Variants in COG3 observed in about 807,000 individuals in gnomAD.
COG3 encodes component of oligomeric golgi complex 3.
In COG3, 32 loss-of-function variants were observed where a neutral mutation model predicts 114.1. The observed-to-expected ratio is 0.28, with a 90% CI of 0.21 to 0.38. COG3 has a LOEUF of 0.38. Ranked by LOEUF, COG3 falls within the 10% of genes least tolerant of loss-of-function variation. The probability of loss-of-function intolerance (pLI) is 1.00; values close to 1 mark genes in which losing one functional copy is unlikely to be tolerated. For synonymous variants in COG3, 352 were observed against 365.7 expected, an observed-to-expected ratio of 0.96 and a Z score of 0.43; for missense variants, 813 against 973.2, an observed-to-expected ratio of 0.84 and a Z score of 2.19.
At chr13:45,512,104 G>A (rs1593732501) in intron 16 of COG3, 4 of 356,454 alleles carry the variant, frequency 1.1e-5, no homozygotes, top group Non-Finnish European at 2.0e-5. Flanking sequence ...TAGAGTAAAG[G>A]TTTCTTGTTG....
chr13:45,500,798 C>A lies in COG3; in HGVS notation c.1489-2446C>A, dbSNP rs1344345605. On this transcript the variant is annotated intron_variant, in intron 13 of 22. Coordinates refer to ENST00000349995, the MANE Select transcript of COG3 (RefSeq NM_031431.4). ...GGATCCCATTTACAACACCACGTTG[C>A]ACTTAGTTTTTATGTCTTTTTAGGC... Among the ~76,000 whole-genome samples, 3 of 152,154 alleles carry A rather than the reference C, an allele frequency of 2.0e-5. No homozygotes were observed. In the East Asian group the frequency reaches 5.8e-4, roughly 29 times the overall value.
intron 13 of COG3, among the ~76,000 whole-genome samples, chr13:45,499,692 C>G (rs1235086990): frequency 6.6e-6 from 1 of 152,056 alleles, no homozygotes; most frequent in African/African-American, 2.4e-5. Context: ...TTTATTTAAC[C>G]CTTGAAATAT....
At chr13:45,487,907 C>G (rs1296790493) in intron 8 of COG3, among the ~76,000 whole-genome samples, 1 of 152,140 alleles carries the variant, frequency 6.6e-6, no homozygotes, top group Non-Finnish European at 1.5e-5. Context: ...GCAAGGAAAT[C>G]AGTATATCAA....
Position 45,507,531 on chromosome 13 carries a change from G to A in COG3, c.1595-2161G>A, listed in dbSNP as rs559937172. 1.1e-4 allele frequency among the ~76,000 whole-genome samples: 17 copies of A among 152,206 alleles called. No homozygotes were observed. In the South Asian group the frequency reaches 3.3e-3, roughly 30 times the overall value. On this transcript the variant is annotated intron_variant, in intron 14 of 22. Transcript: ENST00000349995. ...TGTAATTCCAGCACTTTGGGAGGCC[G>A]AGGTGGGCAGATCACCCACGGTCAG...
intron 1 of COG3, among the ~76,000 whole-genome samples, chr13:45,473,254 G>A (rs1396321825): frequency 1.3e-5 from 2 of 152,128 alleles, no homozygotes; most frequent in Non-Finnish European, 2.9e-5. Flanking sequence ...TCTTCCTGGA[G>A]GTGCCTGTCG....
intron 2 of COG3, 89 bp from the exon 3 acceptor site, chr13:45,478,916 C>T: frequency 2.3e-6 from 2 of 868,282 alleles, no homozygotes; most frequent in Admixed American, 4.2e-5. Flanking sequence ...TGGATAACGT[C>T]TGTCCTTTTG....
intron 1 of COG3, among the ~76,000 whole-genome samples, chr13:45,472,695 A>G (rs958266755): frequency 3.9e-5 from 6 of 151,996 alleles, no homozygotes; most frequent in Non-Finnish European, 7.4e-5. Flanking sequence ...TTTCCATTTG[A>G]CACAGTTTTC....
intron 20 of COG3, among the ~76,000 whole-genome samples, chr13:45,528,875 ATT>A (rs1178623064): frequency 3.3e-5 from 5 of 152,264 alleles, no homozygotes; most frequent in Admixed American, 6.5e-5. Context: ...ATATCTTGGT[ATT>A]TTTTTAGTAT....
chr13:45,532,867 G>A (rs552617617), intron 22 of COG3, among the ~76,000 whole-genome samples: 3 of 152,030 alleles, frequency 2.0e-5, no homozygotes, highest in Non-Finnish European at 2.9e-5. Flanking sequence ...ACATTTTTCC[G>A]TAGGGTAACT....
rs141180368 is a variant in COG3, at chr13:45,499,851, A to G, written c.1489-3393A>G. Among the ~76,000 whole-genome samples the G allele has an allele frequency of 5.5e-3, 831 of 152,140 alleles. 7 individuals are homozygous for G. The highest frequency in any genetic ancestry group is 0.019 in the African/African-American group (790 of 41,512). On this transcript the variant is annotated intron_variant, in intron 13 of 22. Transcript: ENST00000349995. Reference sequence around the variant, plus strand: ...AGCCTGCACAACACAGTGAAACCCCATCTCTACAAAAAATACAAAAATGAG... The same window carrying G: ...AGCCTGCACAACACAGTGAAACCCCGTCTCTACAAAAAATACAAAAATGAG...
intron 8 of COG3, among the ~76,000 whole-genome samples, chr13:45,489,952 T>A (rs550802363): frequency 2.2e-4 from 34 of 152,318 alleles, no homozygotes; most frequent in African/African-American, 7.7e-4. Flanking sequence ...TTGTGGTACT[T>A]AATATATTAA....
chr13:45,476,145 T>TA, intron 1 of COG3, 56 bp from the exon 2 acceptor site: 1 of 1,556,044 alleles, frequency 6.4e-7, no homozygotes, highest in Admixed American at 1.7e-5. Flanking sequence ...AATCTTGAGT[T>TA]AAGTTCAGAG....
At chr13:45,517,633 T>G (rs1462064857) in intron 17 of COG3, among the ~76,000 whole-genome samples, 2 of 152,230 alleles carry the variant, frequency 1.3e-5, no homozygotes, top group African/African-American at 4.8e-5. Context: ...TAAAGCTTAT[T>G]CTCATCAGAG....
intron 17 of COG3, among the ~76,000 whole-genome samples, chr13:45,516,836 G>GA (rs1411337265): frequency 6.6e-6 from 1 of 152,110 alleles, no homozygotes; most frequent in African/African-American, 2.4e-5. Flanking sequence ...CATTAAGACC[G>GA]AAAAGGAATG....
chr13:45,517,394 C>G (rs1340023388), intron 17 of COG3, among the ~76,000 whole-genome samples: 1 of 152,158 alleles, frequency 6.6e-6, no homozygotes, highest in Non-Finnish European at 1.5e-5. Flanking sequence ...CTTCTTAAAA[C>G]AGTTTGCTCT....
intron 1 of COG3, chr13:45,465,490 C>T: frequency 2.3e-6 from 1 of 441,190 alleles, no homozygotes; most frequent in Non-Finnish European, 4.0e-6. Flanking sequence ...GGACGGTTGG[C>T]CCGGAGCCTT....
At chr13:45,466,109 C>T (rs2137761784) in intron 1 of COG3, among the ~76,000 whole-genome samples, 1 of 152,264 alleles carries the variant, frequency 6.6e-6, no homozygotes, top group East Asian at 1.9e-4. Flanking sequence ...GTGACCTCGG[C>T]TCACTGCAAC....
Position 45,534,859 on chromosome 13 carries a change from A to G in COG3, c.*128A>G. 1 of 1,325,228 alleles carries G rather than the reference A, an allele frequency of 7.5e-7. No individual in the cohort carries two copies. The highest frequency in any genetic ancestry group is 9.6e-7 in the Non-Finnish European group (1 of 1,039,228). 82.1% of individuals were successfully genotyped at this position (1,325,228 alleles called of 1,614,324 possible). On this transcript the variant is annotated 3_prime_UTR_variant, in exon 23 of 23. Coordinates refer to ENST00000349995, the MANE Select transcript of COG3 (RefSeq NM_031431.4). ...CGAGAACCACACGAGCGTGCTGCTC[A>G]GTGCTGACTGCAGAATGAAATAGAA...
chr13:45,468,962 AGCT>A (rs1885309737), intron 1 of COG3, among the ~76,000 whole-genome samples: 1 of 152,250 alleles, frequency 6.6e-6, no homozygotes. Flanking sequence ...AAAGGAAGGC[AGCT>A]GCCTAGTCTA....
Sources: gnomAD v4.1 joint callset for allele counts (sites outside exome capture counted in the v4.1 genomes callset) on GRCh38, gnomAD v4.1.1 for gene constraint, MANE v1.5 for transcripts, NCBI Gene and HGNC (gene_info 2026-07-23, HGNC 2026-07-21) for gene names.